Variants in ZNF174 observed in about 807,000 individuals in gnomAD.
ZNF174 encodes the protein AW-1.
In ZNF174, 30 loss-of-function variants were observed where a neutral mutation model predicts 38.7. The observed-to-expected ratio is 0.78, with a 90% CI of 0.58 to 1.05. The LOEUF is 1.05. Among genes scored for constraint, ZNF174 ranks in the 50% least tolerant of loss-of-function variants. The probability of loss-of-function intolerance (pLI) is 0.00; values close to 1 mark genes in which losing one functional copy is unlikely to be tolerated. For synonymous variants in ZNF174, 201 were observed against 181.7 expected (o/e 1.11, Z -0.86); for missense variants, 499 against 495.6 (o/e 1.01, Z -0.06).
At chr16:3,405,018 G>A (rs1317660657) in intron 2 of ZNF174, 1 of 1,606,190 alleles carries the variant, frequency 6.2e-7, no homozygotes, top group Non-Finnish European at 8.5e-7. Context: ...GGGCCTGGTA[G>A]AAATAAAAAC....
intron 1 of ZNF174, among the ~76,000 whole-genome samples, chr16:3,403,635 C>T (rs1013171711): frequency 6.6e-6 from 1 of 152,040 alleles, no homozygotes; most frequent in African/African-American, 2.4e-5. Context: ...CAGGTACATG[C>T]CACCATGCGT....
chr16:3,406,845 A>G (rs771919482), intron 2 of ZNF174, among the ~76,000 whole-genome samples: 9 of 152,154 alleles, frequency 5.9e-5, no homozygotes, highest in Non-Finnish European at 1.2e-4. Context: ...GCCTAATCCA[A>G]GGGCACAAAT....
intron 1 of ZNF174, among the ~76,000 whole-genome samples, chr16:3,402,776 G>A (rs1408304082): frequency 6.6e-6 from 1 of 152,110 alleles, no homozygotes; most frequent in Non-Finnish European, 1.5e-5. Flanking sequence ...TTTCATCTGG[G>A]TAATGTTTGG....
At chr16:3,402,445 TTTC>T in intron 1 of ZNF174, 39 bp downstream of exon 1, 8 of 1,497,008 alleles carry the variant, frequency 5.3e-6, no homozygotes, top group Non-Finnish European at 7.1e-6. Context: ...GGGATTTCTT[TTTC>T]TTTTCTTTTT....
intron 2 of ZNF174, among the ~76,000 whole-genome samples, chr16:3,405,989 C>T (rs923216913): frequency 6.6e-6 from 1 of 152,174 alleles, no homozygotes; most frequent in Non-Finnish European, 1.5e-5. Flanking sequence ...GCCTATGTGA[C>T]AAAGTAAGAC....
intron 2 of ZNF174, chr16:3,404,915 T>C (rs931616929): frequency 6.2e-7 from 1 of 1,613,872 alleles, no homozygotes; most frequent in African/African-American, 1.3e-5. Flanking sequence ...TCAGAACTTC[T>C]TATAGAAAAG....
chr16:3,404,436 G>A lies in ZNF174; in HGVS notation c.413G>A (p.Cys138Tyr). Residue 138 changes from cysteine (C) to tyrosine (Y), a missense_variant, in exon 2 of 3, where the codon TGT becomes TAT. Coordinates refer to ENST00000268655, the MANE Select transcript of ZNF174 (RefSeq NM_003450.3). ...GGGGCTTGTTCCTAGGTGGCCGTTT[G>A]TATGCAGGGGCAAAAGGTGCTCTTG... ...SKKPKQWVAV[C>Y]MQGQKVLLEK... The A allele has an allele frequency of 6.2e-7, 1 of 1,604,728 alleles. No homozygotes were observed. The highest frequency in any genetic ancestry group is 1.1e-5 in the South Asian group (1 of 90,744).
chr16:3,401,847 G>C lies in ZNF174; in HGVS notation c.-158G>C, dbSNP rs2033912790. ...GTTGTCTTGAGTTTGGCTAGTAAAG[G>C]CTAGCAAGTGAGGCTTTGTCTCTGC... On this transcript the variant is annotated 5_prime_UTR_variant, in exon 1 of 3. Coordinates refer to ENST00000268655, the MANE Select transcript of ZNF174 (RefSeq NM_003450.3). The C allele has an allele frequency of 1.1e-6, 1 of 893,566 alleles. No homozygotes were observed. Among genetic ancestry groups the C allele is most frequent in the African/African-American group, 1.7e-5 (1 of 59,582 alleles). 55.4% of individuals were successfully genotyped at this position (893,566 alleles called of 1,614,324 possible).
rs1039890841 is a variant in ZNF174 at position 3,408,789 on chromosome 16, G to A, written c.1094G>A (p.Arg365Gln). 13 of 1,614,002 alleles carry A rather than the reference G, an allele frequency of 8.1e-6. No individual in the cohort carries two copies. The highest frequency in any genetic ancestry group is 2.2e-5 in the East Asian group (1 of 44,894). ...TCGECGNCFG[R>Q]QSTLKLHQRI... ...GGAGAGTGTGGAAACTGCTTTGGGC[G>A]GCAGTCAACCCTGAAGCTGCACCAG... The change falls in exon 3 of 3, where the codon CGG becomes CAG. Residue 365 changes from arginine (R) to glutamine (Q), a missense_variant. By Grantham distance (43) the Arg-to-Gln change is conservative (BLOSUM62 1). Coordinates refer to ENST00000268655, the MANE Select transcript of ZNF174 (RefSeq NM_003450.3).
chr16:3,408,369 G>C lies in ZNF174; in HGVS notation c.674G>C (p.Gly225Ala). The C allele has an allele frequency of 6.2e-7, 1 of 1,612,430 alleles. No individual in the cohort carries two copies. The highest frequency in any genetic ancestry group is 8.5e-7 in the Non-Finnish European group (1 of 1,179,348). Residue 225 changes from glycine to alanine, a missense_variant, in exon 3 of 3, where the codon GGG becomes GCG. Coordinates refer to ENST00000268655, the MANE Select transcript of ZNF174 (RefSeq NM_003450.3). ...AACAAGGAAAATCCACAACAGGAAG[G>C]GGCTAAAGGAGCAAAGCCATGTGCA... ...SDNKENPQQE[G>A]AKGAKPCAVS...
intron 1 of ZNF174, among the ~76,000 whole-genome samples, chr16:3,403,503 T>C (rs1193695205): frequency 6.6e-6 from 1 of 151,032 alleles, no homozygotes; most frequent in Admixed American, 6.6e-5. Flanking sequence ...TTTTTTTTTT[T>C]TGAGACTGGG....
At chr16:3,404,758 A>T in intron 2 of ZNF174, 110 bp downstream of exon 2, 1 of 1,503,386 alleles carries the variant, frequency 6.7e-7, no homozygotes, top group Non-Finnish European at 9.1e-7. Flanking sequence ...TAAATGTTAT[A>T]TATAATAGTA....
chr16:3,402,047 G>A lies in ZNF174; in HGVS notation c.43G>A (p.Ala15Thr). ...GATAACTTTAAGCTCCAACACTGAA[G>A]CTTCCTCCAAGCAAGAGAGACACAT... ...MEITLSSNTE[A>T]SSKQERHIIA... is the part of the protein sequence containing the mutation. Residue 15 changes from alanine to threonine, a missense_variant, in exon 1 of 3, where the codon GCT (alanine) becomes ACT (threonine). By Grantham distance (58) the Ala-to-Thr change is moderately conservative (BLOSUM62 0). Transcript: ENST00000268655. 1.2e-6 allele frequency: 2 copies of A among 1,613,792 alleles called. No homozygotes were observed. The highest frequency in any genetic ancestry group is 1.7e-6 in the Non-Finnish European group (2 of 1,179,964).
chr16:3,402,856 A>G (rs1469993054), intron 1 of ZNF174, among the ~76,000 whole-genome samples: 2 of 152,154 alleles, frequency 1.3e-5, no homozygotes, highest in East Asian at 3.9e-4. Flanking sequence ...TCCAGCCTCT[A>G]TCTGGGAACC....
intron 2 of ZNF174, chr16:3,405,207 A>T: frequency 1.2e-6 from 1 of 837,920 alleles, no homozygotes; most frequent in East Asian, 2.8e-5. Context: ...TGATGTGAAT[A>T]CAAGATACAG....
Position 3,408,975 on chromosome 16 carries a change from C to A in ZNF174, c.*56C>A, listed in dbSNP as rs115454684. On this transcript the variant is annotated 3_prime_UTR_variant, in exon 3 of 3. Transcript: ENST00000268655. The stretch of plus-strand genomic sequence containing the variant: ...GAAGGTGTTTGTGTTTCTCCTCCCC[C>A]TTACTTGCATGTAAATCACAAAAAC... The A allele has an allele frequency of 8.3e-4, 1,235 of 1,481,578 alleles. 11 individuals carry two copies. The African/African-American group carries it at 0.015, about 18-fold the overall frequency. 91.8% of individuals were successfully genotyped at this position (1,481,578 alleles called of 1,614,324 possible).
Position 3,408,467 on chromosome 16 carries a change from C to T in ZNF174, c.772C>T (p.Arg258Trp), listed in dbSNP as rs113771055. The T allele has an allele frequency of 4.3e-6, 7 of 1,614,098 alleles. No individual in the cohort carries two copies. Among genetic ancestry groups the T allele is most frequent in the African/African-American group, 1.3e-5 (1 of 74,996 alleles). Reference sequence around the variant, plus strand: ...AAGAGGGGCAAATATGAGTGAACCTCGGTTGTCACGGAGGCAGGTCAGCTC... The same window carrying T: ...AAGAGGGGCAAATATGAGTGAACCTTGGTTGTCACGGAGGCAGGTCAGCTC... ...EPRGANMSEP[R>W]LSRRQVSSPN... The change falls in exon 3 of 3, where the codon CGG (arginine) becomes TGG (tryptophan). Residue 258 changes from arginine to tryptophan, a missense_variant. Arg to Trp is a moderately radical substitution (Grantham distance 101, BLOSUM62 -3). Transcript: ENST00000268655.
intron 2 of ZNF174, among the ~76,000 whole-genome samples, chr16:3,407,811 ACAT>A (rs2034075722): frequency 6.6e-6 from 1 of 152,246 alleles, no homozygotes; most frequent in Non-Finnish European, 1.5e-5. Flanking sequence ...ATGAAAGAAA[ACAT>A]CACAGTCTCT....
rs2034092609 is a variant in ZNF174 at position 3,409,028 on chromosome 16, C to G, written c.*109C>G. ...TGTGACTTACAAGGAAAGCACGAGGCCCTTGAGGAATGATGATGCACATTC... is the reference window on the plus strand; with the variant it reads ...TGTGACTTACAAGGAAAGCACGAGGGCCTTGAGGAATGATGATGCACATTC... On this transcript the variant is annotated 3_prime_UTR_variant, in exon 3 of 3. Transcript: ENST00000268655. 2.5e-6 allele frequency: 3 copies of G among 1,204,444 alleles called. No individual in the cohort carries two copies. Among genetic ancestry groups the G allele is most frequent in the Non-Finnish European group, 3.5e-6 (3 of 861,116 alleles). 74.6% of individuals were successfully genotyped at this position (1,204,444 alleles called of 1,614,324 possible). A position where few individuals can be genotyped will look rare whatever the true frequency, so the allele number is the denominator to read the frequency against.
Sources: gnomAD v4.1 joint callset for allele counts (sites outside exome capture counted in the v4.1 genomes callset) on GRCh38, gnomAD v4.1.1 for gene constraint, MANE v1.5 for transcripts, NCBI Gene and HGNC (gene_info 2026-07-23, HGNC 2026-07-21) for gene names.